The following PAPPA variants were observed in gnomAD, a reference collection of about 807,000 sequenced individuals.
PAPPA encodes the protein pappalysin 1.
Under a neutral mutation model 164.0 loss-of-function variants are expected in PAPPA, and 60 were observed. The ratio of observed to expected loss-of-function variants is 0.37; its 90% confidence interval spans 0.30 to 0.45. The LOEUF (loss-of-function observed/expected upper bound fraction) is 0.45. PAPPA is among the 20% of genes least tolerant of loss of function. PAPPA has a pLI of 1.00. For missense variants in PAPPA, 1,782 were observed against 2,087.3 expected, an observed-to-expected ratio of 0.85 and a Z score of 2.85; for synonymous variants, 875 against 814.1, an observed-to-expected ratio of 1.07 and a Z score of -1.27.
chr9:116,264,501 A>T (rs1460623682), intron 7 of PAPPA, among the ~76,000 whole-genome samples: 1 of 152,200 alleles, frequency 6.6e-6, no homozygotes, highest in Non-Finnish European at 1.5e-5. Flanking sequence ...TTCAATGCTC[A>T]TAAACTCCAG....
intron 9 of PAPPA, among the ~76,000 whole-genome samples, chr9:116,299,778 TCA>T (rs1262013725): frequency 6.6e-6 from 1 of 152,136 alleles, no homozygotes; most frequent in African/African-American, 2.4e-5. Flanking sequence ...TTCCTCAAGC[TCA>T]CAGTTTTCCA....
At chr9:116,204,535 C>T (rs1321897476) in intron 2 of PAPPA, among the ~76,000 whole-genome samples, 1 of 152,152 alleles carries the variant, frequency 6.6e-6, no homozygotes, top group Non-Finnish European at 1.5e-5. Context: ...CTGTCTCGGC[C>T]TCCGAAGTAC....
chr9:116,220,155 T>A (rs1844426152), intron 5 of PAPPA, 26 bp downstream of exon 5: 1 of 1,536,774 alleles, frequency 6.5e-7, no homozygotes. Flanking sequence ...GTAGTGTTGA[T>A]CCCTCTCTCT....
Position 116,271,274 on chromosome 9 carries a change from C to A in PAPPA, c.2862-51C>A, listed in dbSNP as rs1845131824. ...AGGGAGGGACTTTTCCATGTCCAGC[C>A]ATGGTTTTAAGACTAAATTGGCAAA... On this transcript the variant is annotated intron_variant, in intron 8 of 21. Transcript: ENST00000328252. This position sits in a 1 kb window ranked among gnomAD's most constrained non-coding sequence, Gnocchi z 4.2. 16 of 1,308,046 alleles carry A rather than the reference C, an allele frequency of 1.2e-5. No individual in the cohort carries two copies. Among genetic ancestry groups the A allele is most frequent in the Non-Finnish European group, 1.8e-5 (16 of 901,338 alleles). The allele number at this position is 1,308,046 out of a possible 1,614,324, so 81.0% of individuals were successfully genotyped here.
In PAPPA at chr9:116,187,169, G is replaced by A. The variant is rs577245565; in HGVS notation, c.431G>A (p.Cys144Tyr). Residue 144 changes from cysteine (C) to tyrosine (Y), a missense_variant, in exon 2 of 22, where the codon TGT becomes TAT. Physicochemically the swap from Cys to Tyr is radical, Grantham distance 194. Coordinates refer to ENST00000328252, the MANE Select transcript of PAPPA (RefSeq NM_002581.5). This position sits in a 1 kb window ranked among gnomAD's most constrained non-coding sequence, Gnocchi z 4.2. ...PAVITGLYDK[C>Y]SYISRDRGWV... ...GGCCACATAGGGCTGTATGACAAAT[G>A]TTCTTATATCTCACGTGACCGAGGA... is the stretch of plus-strand genomic sequence containing the variant. 2.5e-6 allele frequency: 4 copies of A among 1,613,208 alleles called. No homozygotes were observed. Among genetic ancestry groups the A allele is most frequent in the South Asian group, 2.2e-5 (2 of 91,064 alleles).
chr9:116,311,633 G>A (rs755077362), intron 10 of PAPPA, among the ~76,000 whole-genome samples: 9 of 152,292 alleles, frequency 5.9e-5, no homozygotes, highest in Admixed American at 1.3e-4. Context: ...GATGCCTGGC[G>A]AATGATTTCA....
intron 7 of PAPPA, among the ~76,000 whole-genome samples, chr9:116,249,994 C>T (rs115620905): frequency 0.017 from 2,504 of 149,956 alleles, 64 homozygotes; most frequent in African/African-American, 0.058. Context: ...CATGTACATG[C>T]ATGCATGAGT....
At chr9:116,311,309 T>A (rs185605904) in intron 10 of PAPPA, among the ~76,000 whole-genome samples, 10 of 152,166 alleles carry the variant, frequency 6.6e-5, no homozygotes, top group Non-Finnish European at 1.0e-4. Flanking sequence ...AAGCAACCAC[T>A]GCTCTCAGGC....
intron 5 of PAPPA, 93 bp downstream of exon 5, chr9:116,220,222 A>G: frequency 1.0e-6 from 1 of 961,942 alleles, no homozygotes; most frequent in Non-Finnish European, 1.5e-6. Context: ...GAGGGATTTT[A>G]CTGCATTTCT....
intron 15 of PAPPA, among the ~76,000 whole-genome samples, chr9:116,350,899 T>C (rs1359383123): frequency 6.6e-6 from 1 of 152,242 alleles, no homozygotes; most frequent in Non-Finnish European, 1.5e-5. Flanking sequence ...GTTGTCAGTC[T>C]CACAGTTTGT....
intron 2 of PAPPA, among the ~76,000 whole-genome samples, chr9:116,198,273 A>T (rs981703151): frequency 2.6e-5 from 4 of 152,252 alleles, no homozygotes; most frequent in African/African-American, 4.8e-5. Context: ...TCACAATTCA[A>T]TTGTGCACCT....
chr9:116,180,094 G>A (rs1843885523), intron 1 of PAPPA, among the ~76,000 whole-genome samples: 3 of 152,058 alleles, frequency 2.0e-5, no homozygotes, highest in Admixed American at 2.0e-4. Flanking sequence ...TCCCGCAGGG[G>A]GAACCAAGGC....
chr9:116,247,468 G>A (rs958888244), intron 7 of PAPPA, among the ~76,000 whole-genome samples: 14 of 152,280 alleles, frequency 9.2e-5, no homozygotes, highest in African/African-American at 2.4e-4. Flanking sequence ...GGAAAATGAT[G>A]AGTTAGTGAA....
At position 116,319,929 on chromosome 9, in the gene PAPPA, A is replaced by AG. The variant is rs1845833201; in HGVS notation, c.3148-11315_3148-11314insG. ...ACATGTTAGCTTTACCACTTTCATG[A>AG]ATGGTGTCTTAGGCCTCTAACATAA... On this transcript the variant is annotated intron_variant, in intron 10 of 21. Transcript: ENST00000328252. Among the ~76,000 whole-genome samples, 16 of 152,340 alleles carry AG rather than the reference A, an allele frequency of 1.1e-4. No individual in the cohort carries two copies. The South Asian group carries it at 3.1e-3, about 30-fold the overall frequency.
intron 9 of PAPPA, among the ~76,000 whole-genome samples, chr9:116,290,960 C>T (rs2118867172): frequency 6.6e-6 from 1 of 152,194 alleles, no homozygotes; most frequent in South Asian, 2.1e-4. Flanking sequence ...GCCAGCCTAT[C>T]TCTTGGCTGC....
intron 10 of PAPPA, among the ~76,000 whole-genome samples, chr9:116,323,121 C>T (rs1845880360): frequency 6.6e-6 from 1 of 152,106 alleles, no homozygotes; most frequent in Non-Finnish European, 1.5e-5. Flanking sequence ...TTGTGTACAT[C>T]GTGTGTGGGT....
chr9:116,345,235 G>C (rs1002743810), intron 14 of PAPPA, among the ~76,000 whole-genome samples: 2 of 152,150 alleles, frequency 1.3e-5, no homozygotes, highest in African/African-American at 2.4e-5. Flanking sequence ...ACTCATTAAT[G>C]ATGACCCCAC....
intron 3 of PAPPA, among the ~76,000 whole-genome samples, chr9:116,209,786 G>A (rs1319432289): frequency 6.6e-6 from 1 of 152,156 alleles, no homozygotes; most frequent in Non-Finnish European, 1.5e-5. Flanking sequence ...GCTTCATGGA[G>A]AGACAGAGAA....
At chr9:116,185,110 A>G (rs1184032401) in intron 1 of PAPPA, among the ~76,000 whole-genome samples, 1 of 152,206 alleles carries the variant, frequency 6.6e-6, no homozygotes, top group East Asian at 1.9e-4. Flanking sequence ...TCATTGGGAA[A>G]TCTAGAATAA....
Sources: gnomAD v4.1 joint callset for allele counts (sites outside exome capture counted in the v4.1 genomes callset) on GRCh38, gnomAD v4.1.1 for gene constraint, Gnocchi (gnomAD v3.1) non-coding constraint, MANE v1.5 for transcripts, NCBI Gene and HGNC (gene_info 2026-07-23, HGNC 2026-07-21) for gene names.